CTXND2: variants seen among roughly 807,000 people sequenced by gnomAD.
CTXND2 encodes the protein cortexin domain containing 2.
chr1:150,905,390 C>T (rs952312539), intron 1 of CTXND2, among the ~76,000 whole-genome samples: 1 of 151,918 alleles, frequency 6.6e-6, no homozygotes, highest in African/African-American at 2.4e-5. Flanking sequence ...GTGATCCCCC[C>T]CAACCTCGGC....
At chr1:150,912,694 A>G in exon 2 of CTXND2, 1 of 373,754 alleles carries the variant, frequency 2.7e-6, no homozygotes, top group Non-Finnish European at 4.7e-6. Flanking sequence ...AAGGCCATAG[A>G]TTTTAATTCT....
chr1:150,903,834 TG>T lies in CTXND2; in HGVS notation c.-73-8405del, dbSNP rs1669087510. ...AAAAAAATTGCCTTTATGGAGAGAGTGGGATGTCCGGCTTCAGAGTGGTAAC... is the reference window on the plus strand; with the variant it reads ...AAAAAAATTGCCTTTATGGAGAGAGTGGATGTCCGGCTTCAGAGTGGTAAC... On this transcript the variant is annotated intron_variant, in intron 1 of 1. Transcript: ENST00000636087. 1.3e-5 allele frequency: 6 copies of T among 452,164 alleles called. No homozygotes were observed. In the Admixed American group the frequency reaches 1.7e-4, roughly 13 times the overall value. 28.0% of individuals were successfully genotyped at this position (452,164 alleles called of 1,614,324 possible).
intron 1 of CTXND2, among the ~76,000 whole-genome samples, chr1:150,894,941 A>G (rs1230894896): frequency 6.6e-6 from 1 of 151,996 alleles, no homozygotes; most frequent in Non-Finnish European, 1.5e-5. Flanking sequence ...AGGCTGACAC[A>G]GGAGAATTGC....
At chr1:150,911,118 T>G (rs1244661453) in intron 1 of CTXND2, among the ~76,000 whole-genome samples, 1 of 148,734 alleles carries the variant, frequency 6.7e-6, no homozygotes, top group East Asian at 2.0e-4. Context: ...TTTTTGTATT[T>G]TTTTTTTTTG....
At chr1:150,902,209 G>C (rs988881561) in intron 1 of CTXND2, among the ~76,000 whole-genome samples, 1 of 152,032 alleles carries the variant, frequency 6.6e-6, no homozygotes, top group African/African-American at 2.4e-5. Context: ...AGACCATCCT[G>C]GATAACACAG....
intron 1 of CTXND2, among the ~76,000 whole-genome samples, chr1:150,890,446 T>C (rs1381695280): frequency 1.3e-5 from 2 of 152,184 alleles, no homozygotes; most frequent in Non-Finnish European, 2.9e-5. Context: ...ACAGGAATGA[T>C]TAGAAGGTGG....
At chr1:150,908,100 T>C (rs756352123) in intron 1 of CTXND2, among the ~76,000 whole-genome samples, 4 of 150,844 alleles carry the variant, frequency 2.7e-5, no homozygotes, top group Non-Finnish European at 5.9e-5. Flanking sequence ...CCTCCCAGGC[T>C]CAGGTGATCC....
chr1:150,905,319 T>C (rs587775652), intron 1 of CTXND2, among the ~76,000 whole-genome samples: 29 of 152,056 alleles, frequency 1.9e-4, no homozygotes, highest in African/African-American at 7.0e-4. Flanking sequence ...AGTTTTTGTA[T>C]TTTTAGTAGA....
exon 1 of CTXND2, chr1:150,887,216 A>T (rs991966889): frequency 1.3e-5 from 2 of 152,300 alleles, no homozygotes; most frequent in Admixed American, 6.6e-5. Context: ...TTGTGGGAAG[A>T]GGTTGATAAA....
chr1:150,901,267 T>C (rs1558000599), intron 1 of CTXND2, among the ~76,000 whole-genome samples: 1 of 152,218 alleles, frequency 6.6e-6, no homozygotes, highest in Non-Finnish European at 1.5e-5. Context: ...AATGGAAAGA[T>C]ACACCATGTT....
chr1:150,905,656 G>A (rs976409716), intron 1 of CTXND2, among the ~76,000 whole-genome samples: 3 of 151,974 alleles, frequency 2.0e-5, no homozygotes, highest in African/African-American at 7.2e-5. Flanking sequence ...GTAGTCAATC[G>A]TATATCCACC....
At chr1:150,903,014 T>C (rs1411456755) in intron 1 of CTXND2, among the ~76,000 whole-genome samples, 1 of 152,158 alleles carries the variant, frequency 6.6e-6, no homozygotes, top group African/African-American at 2.4e-5. Flanking sequence ...TCTAGCTACT[T>C]GCTCTGCAAT....
chr1:150,900,524 C>T (rs971933874), intron 1 of CTXND2, among the ~76,000 whole-genome samples: 1 of 152,152 alleles, frequency 6.6e-6, no homozygotes, highest in African/African-American at 2.4e-5. Flanking sequence ...ATGGTAGGCA[C>T]CTGTAATCCC....
intron 1 of CTXND2, among the ~76,000 whole-genome samples, chr1:150,890,684 G>A (rs1033347180): frequency 6.6e-6 from 1 of 151,864 alleles, no homozygotes; most frequent in African/African-American, 2.4e-5. Flanking sequence ...TGTATTTTTA[G>A]TAGAGACGGG....
intron 1 of CTXND2, among the ~76,000 whole-genome samples, chr1:150,903,400 T>G (rs1669077518): frequency 6.6e-6 from 1 of 152,142 alleles, no homozygotes; most frequent in Non-Finnish European, 1.5e-5. Context: ...AGTGTTCCTG[T>G]CTGTCTTAAC....
At chr1:150,905,715 G>A (rs367991601) in intron 1 of CTXND2, among the ~76,000 whole-genome samples, 165 of 152,270 alleles carry the variant, frequency 1.1e-3, no homozygotes, top group African/African-American at 3.7e-3. Context: ...ATAAGGCCGG[G>A]CGCAGTGGCT....
chr1:150,897,622 C>T (rs1470310680), intron 1 of CTXND2, among the ~76,000 whole-genome samples: 1 of 152,138 alleles, frequency 6.6e-6, no homozygotes, highest in East Asian at 1.9e-4. Context: ...ACAGGCCAGC[C>T]TCCAAAAGGA....
intron 1 of CTXND2, among the ~76,000 whole-genome samples, chr1:150,891,165 C>T (rs1477752100): frequency 6.6e-6 from 1 of 151,936 alleles, no homozygotes; most frequent in Non-Finnish European, 1.5e-5. Context: ...TAATTCTTGC[C>T]TCATGTACGC....
intron 1 of CTXND2, among the ~76,000 whole-genome samples, chr1:150,888,834 A>G (rs979032938): frequency 4.0e-5 from 6 of 151,746 alleles, no homozygotes; most frequent in African/African-American, 1.5e-4. Flanking sequence ...GGGAGGGACT[A>G]TAGGTGCGTG....
Sources: allele counts gnomAD v4.1 joint callset (sites outside exome capture counted in the v4.1 genomes callset), GRCh38; gene constraint gnomAD v4.1.1; transcripts MANE v1.5; gene names NCBI Gene and HGNC (gene_info 2026-07-23, HGNC 2026-07-21).